Variants in CAST observed in about 807,000 individuals in gnomAD.
CAST encodes the protein MIR583 host.
Under a neutral mutation model 119.6 loss-of-function variants are expected in CAST, and 76 were observed. The observed-to-expected ratio is 0.64, with a 90% CI of 0.53 to 0.77. The LOEUF (loss-of-function observed/expected upper bound fraction) is 0.77. Among genes scored for constraint, CAST ranks in the 30% least tolerant of loss-of-function variants. The probability of loss-of-function intolerance (pLI) is 0.00; values close to 1 mark genes in which losing one functional copy is unlikely to be tolerated. For synonymous variants in CAST, 319 were observed against 331.6 expected, an observed-to-expected ratio of 0.96 and a Z score of 0.41; for missense variants, 953 against 946.5, an observed-to-expected ratio of 1.01 and a Z score of -0.09.
At chr5:96,683,250 C>A (rs576999054) in intron 2 of CAST, among the ~76,000 whole-genome samples, 1 of 152,080 alleles carries the variant, frequency 6.6e-6, no homozygotes, top group East Asian at 1.9e-4. Flanking sequence ...AGTGGTTCAC[C>A]AATTGTGCTT....
At chr5:96,043,489 T>C in the CAST span, among the ~76,000 whole-genome samples, 1 of 152,194 alleles carries the variant, frequency 6.6e-6, no homozygotes, top group Non-Finnish European at 1.5e-5. Flanking sequence ...TATTTTCTTA[T>C]CTAACAAATC....
At chr5:96,376,321 GT>G in the CAST span, among the ~76,000 whole-genome samples, 1 of 151,852 alleles carries the variant, frequency 6.6e-6, no homozygotes, top group Non-Finnish European at 1.5e-5. Flanking sequence ...GCGTCCAGTG[GT>G]ATAAAAGTAT....
At chr5:96,494,645 T>C in the CAST span, among the ~76,000 whole-genome samples, 4 of 152,118 alleles carry the variant, frequency 2.6e-5, no homozygotes, top group Non-Finnish European at 5.9e-5. Flanking sequence ...GGTGGCCCAA[T>C]AGAAGAGCGA....
At chr5:95,984,258 A>G in the CAST span, among the ~76,000 whole-genome samples, 4 of 152,208 alleles carry the variant, frequency 2.6e-5, no homozygotes, top group African/African-American at 9.6e-5. Flanking sequence ...TTTGAGAGGC[A>G]TGCAACATGA....
intron 1 of CAST, among the ~76,000 whole-genome samples, chr5:96,617,747 A>G (rs1300070485): frequency 7.1e-6 from 1 of 139,940 alleles, no homozygotes; most frequent in African/African-American, 2.7e-5. Flanking sequence ...AGCCAAGATC[A>G]CACCACTGCA....
intron 24 of CAST, 140 bp downstream of exon 24, chr5:96,757,794 G>A (rs965230885): frequency 1.6e-5 from 10 of 626,402 alleles, no homozygotes; most frequent in African/African-American, 3.7e-5. Flanking sequence ...AGATTCAAGC[G>A]ATTCTCCTGC....
At position 96,720,370 on chromosome 5, in the gene CAST, A is replaced by C. The variant is rs80143727; in HGVS notation, c.211-2269A>C. Among the ~76,000 whole-genome samples the C allele has an allele frequency of 3.1e-3, 479 of 152,392 alleles. 6 individuals carry two copies. The highest frequency in any genetic ancestry group is 0.01 in the African/African-American group (430 of 41,602). On this transcript the variant is annotated intron_variant, in intron 3 of 31. Transcript: ENST00000675179. ...AAACAATGCAAAAGAGTATACAATG[A>C]AAGTGTATTCATTCATTCACCAGAG...
intron 1 of CAST, among the ~76,000 whole-genome samples, chr5:96,636,004 G>A (rs561691774): frequency 2.1e-4 from 32 of 152,270 alleles, no homozygotes; most frequent in African/African-American, 4.8e-4. Flanking sequence ...AGAAGCAAGC[G>A]TTGAGAGCTA....
the CAST span, among the ~76,000 whole-genome samples, chr5:96,357,950 C>T: frequency 5.3e-5 from 8 of 152,108 alleles, no homozygotes; most frequent in African/African-American, 1.9e-4. Context: ...GCTGTGAATC[C>T]ATCTGGTCCT....
At chr5:96,529,063 A>G (rs565255412), upstream of CAST, among the ~76,000 whole-genome samples, 1 of 152,348 alleles carries the variant, frequency 6.6e-6, no homozygotes, top group African/African-American at 2.4e-5. Flanking sequence ...GGTTTAAAGG[A>G]GTGAAATACA....
chr5:96,493,885 A>G, the CAST span, among the ~76,000 whole-genome samples: 1 of 152,044 alleles, frequency 6.6e-6, no homozygotes, highest in Non-Finnish European at 1.5e-5. Context: ...AAAAACAAAA[A>G]TTAGTCACTC....
At chr5:96,227,947 A>G in the CAST span, among the ~76,000 whole-genome samples, 2 of 152,192 alleles carry the variant, frequency 1.3e-5, no homozygotes, top group Non-Finnish European at 2.9e-5. Context: ...GCCTTGATAA[A>G]AATGATTTTC....
chr5:96,533,531 C>A (rs761550069), intron 1 of CAST, among the ~76,000 whole-genome samples: 1 of 152,074 alleles, frequency 6.6e-6, no homozygotes, highest in Non-Finnish European at 1.5e-5. Flanking sequence ...CTTCGAGATT[C>A]GCACTGATGG....
chr5:96,058,971 A>ATTTTTC, the CAST span, among the ~76,000 whole-genome samples: 1 of 152,158 alleles, frequency 6.6e-6, no homozygotes, highest in East Asian at 1.9e-4. Context: ...TGCTATGCCA[A>ATTTTTC]GGCCCAGGCT....
the CAST span, among the ~76,000 whole-genome samples, chr5:95,970,604 T>C: frequency 3.3e-5 from 5 of 152,224 alleles, no homozygotes; most frequent in African/African-American, 1.2e-4. Flanking sequence ...AATACATTTA[T>C]CTCTGAGAGC....
At chr5:96,595,942 C>G (rs936194470) in intron 1 of CAST, among the ~76,000 whole-genome samples, 1 of 151,922 alleles carries the variant, frequency 6.6e-6, no homozygotes, top group African/African-American at 2.4e-5. Flanking sequence ...CCTGGATGTT[C>G]AAGGAAAAAA....
chr5:96,613,425 G>T (rs1391443890), intron 1 of CAST, among the ~76,000 whole-genome samples: 1 of 151,952 alleles, frequency 6.6e-6, no homozygotes, highest in Non-Finnish European at 1.5e-5. Flanking sequence ...TTCAGATTTT[G>T]TAATACTACT....
At chr5:96,270,590 G>C in the CAST span, among the ~76,000 whole-genome samples, 1 of 152,140 alleles carries the variant, frequency 6.6e-6, no homozygotes, top group Non-Finnish European at 1.5e-5. Context: ...GTTATCCTCA[G>C]CAAACTAACA....
chr5:96,696,829 C>T (rs1000814439), intron 3 of CAST, among the ~76,000 whole-genome samples: 3 of 151,902 alleles, frequency 2.0e-5, no homozygotes, highest in Non-Finnish European at 4.4e-5. Context: ...GCACTCCAGC[C>T]TGGGCAATAG....
Sources: allele counts gnomAD v4.1 joint callset (sites outside exome capture counted in the v4.1 genomes callset), GRCh38; gene constraint gnomAD v4.1.1; transcripts MANE v1.5; gene names NCBI Gene and HGNC (gene_info 2026-07-23, HGNC 2026-07-21).